PRDM5: variants seen among roughly 807,000 people sequenced by gnomAD.
The protein encoded by PRDM5 is PR/SET domain 5.
A neutral mutation model predicts 81.2 loss-of-function variants in PRDM5; 56 were observed. The ratio of observed to expected loss-of-function variants is 0.69; its 90% confidence interval spans 0.56 to 0.86. PRDM5 has a LOEUF of 0.86. Ranked by LOEUF, PRDM5 falls within the 40% of genes least tolerant of loss-of-function variation. The pLI, the probability that PRDM5 is intolerant of heterozygous loss-of-function variation, is 0.00. For missense variants in PRDM5, 697 were observed against 770.1 expected (o/e 0.91, Z 1.12); for synonymous variants, 267 against 256.4 (o/e 1.04, Z -0.39).
At chr4:120,721,601 T>G (rs149239157) in intron 14 of PRDM5, among the ~76,000 whole-genome samples, 76 of 148,516 alleles carry the variant, frequency 5.1e-4, no homozygotes, top group African/African-American at 1.8e-3. Flanking sequence ...GCTGGCAAAG[T>G]GCTAAGAAAT....
chr4:120,819,439 T>C (rs1430540819), intron 4 of PRDM5, among the ~76,000 whole-genome samples: 1 of 83,950 alleles, frequency 1.2e-5, no homozygotes, highest in South Asian at 3.1e-4. Context: ...AAAATAGCCA[T>C]GGCACATGGC....
downstream of PRDM5, chr4:120,691,889 G>C (rs1405736204): frequency 6.6e-6 from 1 of 151,864 alleles, no homozygotes; most frequent in Non-Finnish European, 1.5e-5. Context: ...TAGTTCTATA[G>C]TAAAATAAAA....
In PRDM5 at chr4:120,830,242, G is replaced by A. The variant is rs527620759; in HGVS notation, c.301-8897C>T. On this transcript the variant is annotated intron_variant, in intron 3 of 15. Transcript: ENST00000264808. ...TGACTCAGAAAGTTACCTTTGGGGA[G>A]TGGGTATACCTTATGAGTTTGGCCG... 9.2e-5 allele frequency among the ~76,000 whole-genome samples: 14 copies of A among 152,218 alleles called. No homozygotes were observed. The South Asian group carries it at 1.7e-3, about 18-fold the overall frequency.
intron 1 of PRDM5, among the ~76,000 whole-genome samples, chr4:120,913,846 C>T (rs747443461): frequency 6.6e-6 from 1 of 152,184 alleles, no homozygotes; most frequent in African/African-American, 2.4e-5. Flanking sequence ...TCACAGCCCA[C>T]AATCTTTCCT....
intron 15 of PRDM5, among the ~76,000 whole-genome samples, chr4:120,698,953 T>C (rs1255144102): frequency 6.6e-6 from 1 of 151,952 alleles, no homozygotes; most frequent in African/African-American, 2.4e-5. Flanking sequence ...AGTATCTGTA[T>C]TTTTAAATAA....
intron 14 of PRDM5, among the ~76,000 whole-genome samples, chr4:120,714,856 T>G (rs1443653983): frequency 2.0e-5 from 3 of 152,170 alleles, no homozygotes; most frequent in African/African-American, 7.2e-5. Context: ...ATTTATTGCC[T>G]TAGGGTTTTC....
chr4:120,760,408 G>C (rs1421409529), intron 13 of PRDM5, among the ~76,000 whole-genome samples: 1 of 152,148 alleles, frequency 6.6e-6, no homozygotes, highest in African/African-American at 2.4e-5. Flanking sequence ...GCAACATTTA[G>C]AAGGGAAATA....
chr4:120,872,224 A>C (rs538040581), intron 2 of PRDM5, among the ~76,000 whole-genome samples: 1 of 151,556 alleles, frequency 6.6e-6, no homozygotes, highest in Admixed American at 6.6e-5. Flanking sequence ...GTAAATCCAA[A>C]ATAATTCAAA....
chr4:120,872,020 A>G (rs1413924568), intron 2 of PRDM5, among the ~76,000 whole-genome samples: 4 of 151,768 alleles, frequency 2.6e-5, no homozygotes, highest in Non-Finnish European at 5.9e-5. Context: ...GCGTGGTGGC[A>G]CACGCCTGTA....
intron 14 of PRDM5, among the ~76,000 whole-genome samples, chr4:120,716,601 AGCCTGCAC>A (rs1324537051): frequency 6.6e-6 from 1 of 152,194 alleles, no homozygotes; most frequent in Non-Finnish European, 1.5e-5. Flanking sequence ...TCTTACACAG[AGCCTGCAC>A]TATTCCTGAA....
chr4:120,775,786 G>A (rs1328672695), intron 13 of PRDM5, among the ~76,000 whole-genome samples: 1 of 152,092 alleles, frequency 6.6e-6, no homozygotes, highest in African/African-American at 2.4e-5. Flanking sequence ...TCAGAGTGAA[G>A]GGCTGTTGAT....
intron 2 of PRDM5, among the ~76,000 whole-genome samples, chr4:120,884,969 T>G (rs1247143723): frequency 6.7e-6 from 1 of 149,306 alleles, no homozygotes; most frequent in Non-Finnish European, 1.5e-5. Context: ...GCTAACATGG[T>G]GAAACCCCCT....
chr4:120,875,514 G>C (rs775421149), intron 2 of PRDM5, among the ~76,000 whole-genome samples: 1 of 152,246 alleles, frequency 6.6e-6, no homozygotes, highest in Non-Finnish European at 1.5e-5. Flanking sequence ...AAGCAGAGCT[G>C]TTAGGAAAGC....
At chr4:120,803,882 T>C (rs1171100364) in intron 8 of PRDM5, among the ~76,000 whole-genome samples, 1 of 152,210 alleles carries the variant, frequency 6.6e-6, no homozygotes, top group Non-Finnish European at 1.5e-5. Flanking sequence ...ATGGGCTAAA[T>C]GCTCCAATTA....
At chr4:120,700,950 C>A (rs1416678279) in intron 15 of PRDM5, among the ~76,000 whole-genome samples, 1 of 152,038 alleles carries the variant, frequency 6.6e-6, no homozygotes, top group Non-Finnish European at 1.5e-5. Context: ...TATGGAGAAA[C>A]CCTGTCTCTA....
chr4:120,770,658 C>A lies in PRDM5; in HGVS notation c.1537+6530G>T, dbSNP rs574556695. Among the ~76,000 whole-genome samples, 7 of 151,744 alleles carry A rather than the reference C, an allele frequency of 4.6e-5. No homozygotes were observed. The South Asian group carries it at 1.3e-3, about 27-fold the overall frequency. On this transcript the variant is annotated intron_variant, in intron 13 of 15. Transcript: ENST00000264808. ...AAGGTTGTGTCCAGCCTGGACAGAG[C>A]AAGACTATGTCTCAGAAAAAAAAAT... is the stretch of plus-strand genomic sequence containing the variant.
At chr4:120,723,923 A>ATTTTTTTTTTTTTTTTTT (rs70948360) in intron 14 of PRDM5, among the ~76,000 whole-genome samples, 2 of 81,276 alleles carry the variant, frequency 2.5e-5, no homozygotes, top group African/African-American at 5.2e-5. Context: ...GATAGCTTGA[A>ATTTTTTTTTTTTTTTTTT]TTTTTTTTTT....
At chr4:120,756,350 T>C (rs1296248462) in intron 13 of PRDM5, among the ~76,000 whole-genome samples, 1 of 152,184 alleles carries the variant, frequency 6.6e-6, no homozygotes, top group Non-Finnish European at 1.5e-5. Context: ...AATCCTGTCC[T>C]GATTAGTTGT....
intron 3 of PRDM5, among the ~76,000 whole-genome samples, chr4:120,836,464 C>T (rs1561437635): frequency 2.6e-5 from 4 of 152,092 alleles, no homozygotes; most frequent in African/African-American, 7.2e-5. Flanking sequence ...TCTATAGAAA[C>T]ATCCTCTTAA....
Sources: allele counts gnomAD v4.1 joint callset (sites outside exome capture counted in the v4.1 genomes callset), GRCh38; gene constraint gnomAD v4.1.1; transcripts MANE v1.5; gene names NCBI Gene and HGNC (gene_info 2026-07-23, HGNC 2026-07-21).